The following CC2D2B variants were observed in gnomAD, a reference collection of about 807,000 sequenced individuals.
CC2D2B encodes the protein coiled-coil and C2 domain containing 2B, also known as protein CC2D2B.
Under a neutral mutation model 161.2 loss-of-function variants are expected in CC2D2B, and 128 were observed. The ratio of observed to expected loss-of-function variants is 0.79; its 90% CI spans 0.69 to 0.92. CC2D2B has a LOEUF of 0.92. Ranked by LOEUF, CC2D2B falls within the 40% of genes least tolerant of loss-of-function variation. CC2D2B has a pLI of 0.00. For missense variants in CC2D2B, 1,173 were observed against 1,375.1 expected (o/e 0.85, Z 2.32); for synonymous variants, 391 against 449.8 (o/e 0.87, Z 1.65).
At chr10:95,939,311 AC>A (rs2075939487) in intron 9 of CC2D2B, among the ~76,000 whole-genome samples, 1 of 152,158 alleles carries the variant, frequency 6.6e-6, no homozygotes. Flanking sequence ...ATTGTTGTGT[AC>A]AGCAATAGCT....
chr10:95,992,617 G>A lies in CC2D2B; in HGVS notation c.2562G>A (p.Ala854=), dbSNP rs1252226575. The part of the protein sequence containing the change: ...RKERKKVTAQ[A]ISDGDIKILV... ...AAAGGAAAAAAGTCACAGCGCAGGCGATCTCTGACGGAGATATTAAGATTC... is the reference window on the plus strand; with the variant it reads ...AAAGGAAAAAAGTCACAGCGCAGGCAATCTCTGACGGAGATATTAAGATTC... The change falls in exon 22 of 35, where the codon GCG becomes GCA. Residue 854 remains alanine (A), a synonymous_variant. Coordinates refer to ENST00000646931, the MANE Select transcript of CC2D2B (RefSeq NM_001349008.3). The A allele has an allele frequency of 4.2e-5, 52 of 1,234,086 alleles. No homozygotes were observed. The highest frequency in any genetic ancestry group is 2.2e-4 in the East Asian group (7 of 31,710). The allele number at this position is 1,234,086 out of a possible 1,614,324, so 76.4% of individuals were successfully genotyped here.
chr10:95,909,372 A>G (rs1251469713), intron 1 of CC2D2B, among the ~76,000 whole-genome samples: 1 of 152,228 alleles, frequency 6.6e-6, no homozygotes, highest in Non-Finnish European at 1.5e-5. Flanking sequence ...TTGTTGCCTT[A>G]ATTACATCAT....
chr10:96,000,289 C>T, intron 24 of CC2D2B: 5 of 913,084 alleles, frequency 5.5e-6, no homozygotes, highest in Non-Finnish European at 5.4e-6. Flanking sequence ...CGAAAGGATA[C>T]TTTTCTCTAT....
intron 15 of CC2D2B, 137 bp downstream of exon 15, chr10:95,969,038 G>A (rs923899588): frequency 7.6e-6 from 3 of 396,286 alleles, no homozygotes; most frequent in Middle Eastern, 6.3e-4. Flanking sequence ...TAGATGATAA[G>A]ATATTTATAA....
intron 6 of CC2D2B, among the ~76,000 whole-genome samples, chr10:95,936,373 G>A (rs1055834564): frequency 1.3e-5 from 2 of 152,156 alleles, no homozygotes; most frequent in African/African-American, 4.8e-5. Flanking sequence ...GGGAGAAAGG[G>A]GAGCCCTCGT....
chr10:95,917,578 T>C (rs779104548), intron 2 of CC2D2B, among the ~76,000 whole-genome samples: 1 of 152,192 alleles, frequency 6.6e-6, no homozygotes, highest in African/African-American at 2.4e-5. Context: ...TTTTGTTTGA[T>C]GTTACAATGA....
At chr10:96,018,981 T>G in intron 30 of CC2D2B, 1 of 365,470 alleles carries the variant, frequency 2.7e-6, no homozygotes, top group Non-Finnish European at 4.9e-6. Flanking sequence ...AAAAAAAATT[T>G]TTTGTGATAG....
chr10:95,924,784 T>C lies in CC2D2B; in HGVS notation c.180T>C (p.Asn60=). The change falls in exon 5 of 35, where the codon AAT becomes AAC. Residue 60 remains asparagine (N), a synonymous_variant. Transcript: ENST00000646931. ...TTATTTATGTTGTGTTTCAGATTAA[T>C]AAAGGTGAAAAATCTTCAACTGAGC... ...VREKLKISKI[N]KGEKSSTEQL... is the part of the protein sequence containing the mutation. 6.5e-7 allele frequency: 1 copy of C among 1,533,148 alleles called. No individual in the cohort carries two copies. The highest frequency in any genetic ancestry group is 1.2e-5 in the South Asian group (1 of 83,518). 95.0% of individuals were successfully genotyped at this position (1,533,148 alleles called of 1,614,324 possible).
rs2077028225 is a variant in CC2D2B at position 95,968,878 on chromosome 10, T to G, written c.1621T>G (p.Trp541Gly). The change falls in exon 15 of 35, where the codon TGG becomes GGG. Residue 541 changes from tryptophan to glycine, a missense_variant. Trp to Gly is a radical substitution (Grantham distance 184, BLOSUM62 -2). Coordinates refer to ENST00000646931, the MANE Select transcript of CC2D2B (RefSeq NM_001349008.3). ...QQIFNIQLMY[W>G]PEVICLEVYE... ...AATTTTCAATATTCAGTTAATGTAT[T>G]GGCCTGAAGTGATTTGTTTGGAGGT... The G allele has an allele frequency of 8.1e-7, 1 of 1,229,576 alleles. No individual in the cohort carries two copies. The highest frequency in any genetic ancestry group is 1.0e-6 in the Non-Finnish European group (1 of 985,834). 76.2% of individuals were successfully genotyped at this position (1,229,576 alleles called of 1,614,324 possible). A position where few individuals can be genotyped will look rare whatever the true frequency, so the allele number is the denominator to read the frequency against.
At chr10:96,013,756 C>G (rs1443417031) in intron 28 of CC2D2B, 32 bp from the exon 29 acceptor site, 79 of 1,336,690 alleles carry the variant, frequency 5.9e-5, no homozygotes, top group Non-Finnish European at 8.3e-5. Flanking sequence ...GGACATACAG[C>G]ACACACTCAA....
chr10:95,947,082 A>AATAT (rs1297977316), intron 9 of CC2D2B, among the ~76,000 whole-genome samples: 998 of 39,444 alleles, frequency 0.025, 53 homozygotes, highest in Middle Eastern at 0.043. Flanking sequence ...TGGACTCAAA[A>AATAT]ATATATATAT....
intron 6 of CC2D2B, among the ~76,000 whole-genome samples, chr10:95,932,460 A>G (rs907633550): frequency 1.4e-4 from 21 of 152,068 alleles, no homozygotes; most frequent in African/African-American, 4.8e-4. Context: ...AGTTGATGCA[A>G]TTTCTTCATA....
intron 34 of CC2D2B, among the ~76,000 whole-genome samples, chr10:96,029,284 ATGTATATATATATATATAT>A (rs2079949643): frequency 5.6e-5 from 3 of 53,760 alleles, no homozygotes; most frequent in South Asian, 1.2e-3. Flanking sequence ...ATATATATAT[ATGTATATATATATATATAT>A]ATGTATATCT....
At chr10:95,937,931 T>C (rs976314519) in intron 6 of CC2D2B, 60 bp from the exon 7 acceptor site, 9 of 993,906 alleles carry the variant, frequency 9.1e-6, no homozygotes, top group Non-Finnish European at 1.4e-5. Flanking sequence ...TTTCATTTAT[T>C]TGCATATTAA....
chr10:95,993,873 GTATA>G (rs1191037973), intron 22 of CC2D2B, among the ~76,000 whole-genome samples: 1,128 of 80,720 alleles, frequency 0.014, 26 homozygotes, highest in African/African-American at 0.022. Flanking sequence ...GAGAGAGAGT[GTATA>G]TATATATATA....
chr10:95,961,754 A>C (rs753315764), intron 11 of CC2D2B, 75 bp from the exon 12 acceptor site: 1 of 843,408 alleles, frequency 1.2e-6, no homozygotes. Context: ...ATTGCAATAC[A>C]TTCTTCCATG....
At chr10:95,935,633 C>A (rs2075795644) in intron 6 of CC2D2B, among the ~76,000 whole-genome samples, 1 of 152,178 alleles carries the variant, frequency 6.6e-6, no homozygotes, top group Non-Finnish European at 1.5e-5. Flanking sequence ...ACACCAGCCA[C>A]ATTGGCTTCC....
intron 5 of CC2D2B, among the ~76,000 whole-genome samples, chr10:95,925,371 C>A (rs1385652643): frequency 2.0e-5 from 3 of 152,210 alleles, no homozygotes; most frequent in Non-Finnish European, 4.4e-5. Context: ...GGACCATTCA[C>A]ACTGAATTGG....
intron 24 of CC2D2B, among the ~76,000 whole-genome samples, chr10:96,003,586 T>TTGTGTGTGTG (rs68085058): frequency 0.038 from 4,830 of 127,636 alleles, 187 homozygotes; most frequent in African/African-American, 0.086. Context: ...GCCCGGCTAA[T>TTGTGTGTGTG]TGTGTGTGTG....
Sources: gnomAD v4.1 joint callset for allele counts (sites outside exome capture counted in the v4.1 genomes callset) on GRCh38, gnomAD v4.1.1 for gene constraint, MANE v1.5 for transcripts, NCBI Gene and HGNC (gene_info 2026-07-23, HGNC 2026-07-21) for gene names.